The following NEDD4L variants were observed in gnomAD, a reference collection of about 807,000 sequenced individuals.
NEDD4L encodes the protein E3 ubiquitin-protein ligase NEDD4-like.
Under a neutral mutation model 148.9 loss-of-function variants are expected in NEDD4L, and 54 were observed. The observed-to-expected ratio is 0.36, with a 90% CI of 0.29 to 0.45. The LOEUF is 0.45. NEDD4L is among the 20% of genes least tolerant of loss of function. The pLI is 1.00. For synonymous variants in NEDD4L, 433 were observed against 440.7 expected (o/e 0.98, Z 0.22); for missense variants, 856 against 1,233.8 (o/e 0.69, Z 4.59).
chr18:58,109,577 T>TG (rs1467525270), intron 1 of NEDD4L, among the ~76,000 whole-genome samples: 6 of 147,598 alleles, frequency 4.1e-5, no homozygotes, highest in Non-Finnish European at 6.0e-5. Flanking sequence ...TTTTTGTTTT[T>TG]TTTTTTTTTT....
At chr18:58,158,184 T>C (rs1341087210) in intron 1 of NEDD4L, among the ~76,000 whole-genome samples, 1 of 152,360 alleles carries the variant, frequency 6.6e-6, no homozygotes, top group Middle Eastern at 3.4e-3. Context: ...GAGGCCTCAG[T>C]TCCTTATCGC....
At chr18:58,320,015 C>T (rs560824) in intron 6 of NEDD4L, among the ~76,000 whole-genome samples, 4 of 152,148 alleles carry the variant, frequency 2.6e-5, no homozygotes, top group African/African-American at 9.7e-5. Context: ...CCACTTGGCT[C>T]TGTAAGTAAC....
intron 26 of NEDD4L, among the ~76,000 whole-genome samples, chr18:58,386,157 A>G (rs2048988687): frequency 6.6e-6 from 1 of 151,966 alleles, no homozygotes; most frequent in Non-Finnish European, 1.5e-5. Context: ...GGTTCAAGCA[A>G]TTCTCCTGCC....
chr18:58,340,144 A>G (rs1355496341), intron 13 of NEDD4L, among the ~76,000 whole-genome samples: 1 of 152,156 alleles, frequency 6.6e-6, no homozygotes, highest in East Asian at 1.9e-4. Context: ...TCGCCTATGC[A>G]TTCAAGCCCT....
intron 5 of NEDD4L, among the ~76,000 whole-genome samples, chr18:58,311,617 A>C (rs1051309933): frequency 6.6e-6 from 1 of 152,202 alleles, no homozygotes; most frequent in Non-Finnish European, 1.5e-5. Context: ...CTTGAAAGGA[A>C]TAGGGTGGGG....
intron 1 of NEDD4L, among the ~76,000 whole-genome samples, chr18:58,088,017 G>A (rs2083853477): frequency 6.6e-6 from 1 of 152,180 alleles, no homozygotes; most frequent in Non-Finnish European, 1.5e-5. Context: ...GGCTTGGGTG[G>A]GACTGAAGCA....
chr18:58,292,003 A>G (rs1477199968), intron 5 of NEDD4L, among the ~76,000 whole-genome samples: 1 of 152,090 alleles, frequency 6.6e-6, no homozygotes, highest in Non-Finnish European at 1.5e-5. Context: ...ATTACCTGTA[A>G]CCCTGTAGGA....
intron 17 of NEDD4L, among the ~76,000 whole-genome samples, 170 bp from the exon 18 acceptor site, chr18:58,350,821 T>C (rs1201291086): frequency 1.3e-5 from 2 of 152,214 alleles, no homozygotes; most frequent in Non-Finnish European, 2.9e-5. Flanking sequence ...TTGCTAGACA[T>C]GGTCAAGAGT....
At chr18:58,201,744 A>G (rs2041439400) in intron 2 of NEDD4L, among the ~76,000 whole-genome samples, 1 of 152,194 alleles carries the variant, frequency 6.6e-6, no homozygotes, top group Non-Finnish European at 1.5e-5. Flanking sequence ...CCCTTTTTGG[A>G]AAGAGTATGG....
chr18:58,056,636 A>G (rs989038424), intron 1 of NEDD4L, among the ~76,000 whole-genome samples: 1 of 151,946 alleles, frequency 6.6e-6, no homozygotes, highest in Non-Finnish European at 1.5e-5. Context: ...GCAAGAGTGC[A>G]GTGACACCAT....
intron 20 of NEDD4L, among the ~76,000 whole-genome samples, chr18:58,365,377 A>T (rs895859650): frequency 1.8e-4 from 27 of 152,160 alleles, no homozygotes; most frequent in Admixed American, 4.6e-4. Context: ...CTGCACATTC[A>T]TTCTTACAGC....
At chr18:58,342,448 GA>G (rs2042555492) in intron 15 of NEDD4L, among the ~76,000 whole-genome samples, 1 of 152,196 alleles carries the variant, frequency 6.6e-6, no homozygotes, top group Non-Finnish European at 1.5e-5. Flanking sequence ...AGTGGGAATG[GA>G]TGCTGTCTCT....
At chr18:58,126,844 A>AC (rs2031196361) in intron 1 of NEDD4L, among the ~76,000 whole-genome samples, 1 of 151,850 alleles carries the variant, frequency 6.6e-6, no homozygotes, top group Non-Finnish European at 1.5e-5. Flanking sequence ...TGTCTATTGC[A>AC]CCCCCCAGGA....
chr18:58,318,672 A>G (rs1429478298), intron 6 of NEDD4L, among the ~76,000 whole-genome samples: 6 of 152,270 alleles, frequency 3.9e-5, no homozygotes. Context: ...CTAAAAATTC[A>G]TATGATATTT....
At chr18:58,382,910 G>T (rs1476247448) in intron 24 of NEDD4L, among the ~76,000 whole-genome samples, 1 of 152,020 alleles carries the variant, frequency 6.6e-6, no homozygotes, top group East Asian at 1.9e-4. Context: ...AGTCTTGATG[G>T]GTGTACCCTG....
At chr18:58,390,982 C>CT (rs796798591) in intron 29 of NEDD4L, among the ~76,000 whole-genome samples, 97 of 144,694 alleles carry the variant, frequency 6.7e-4, no homozygotes, top group East Asian at 3.0e-3. Context: ...TAAGGCTGCT[C>CT]TTTTTTTTTT....
intron 1 of NEDD4L, among the ~76,000 whole-genome samples, chr18:58,133,595 A>AT (rs576351227): frequency 3.3e-5 from 5 of 151,994 alleles, no homozygotes; most frequent in Admixed American, 2.0e-4. Context: ...TTGCAAGTTG[A>AT]TTTTTTTTCT....
At chr18:58,261,780 AT>A (rs1021773665) in intron 5 of NEDD4L, among the ~76,000 whole-genome samples, 2 of 152,214 alleles carry the variant, frequency 1.3e-5, no homozygotes, top group African/African-American at 4.8e-5. Context: ...GATCTAGCAC[AT>A]TTTTTAATAA....
At chr18:58,168,617 G>T (rs2037165179) in intron 2 of NEDD4L, among the ~76,000 whole-genome samples, 2 of 152,258 alleles carry the variant, frequency 1.3e-5, no homozygotes, top group Admixed American at 6.5e-5. Flanking sequence ...CCACTGACAT[G>T]CCTTTTCTCC....
Sources: allele counts gnomAD v4.1 joint callset (sites outside exome capture counted in the v4.1 genomes callset), GRCh38; gene constraint gnomAD v4.1.1; transcripts MANE v1.5; gene names NCBI Gene and HGNC (gene_info 2026-07-23, HGNC 2026-07-21).